A1CF: variants seen among roughly 807,000 people sequenced by gnomAD.
A1CF encodes the protein APOBEC1 complementation factor, also known as APOBEC-1 stimulating protein.
Under a neutral mutation model 68.9 loss-of-function variants are expected in A1CF, and 48 were observed. That is an observed-to-expected ratio of 0.70 (90% CI 0.55 to 0.89). The LOEUF (loss-of-function observed/expected upper bound fraction) is 0.89, where lower values mean the gene tolerates loss of function less well. Ranked by LOEUF, A1CF falls within the 40% of genes least tolerant of loss-of-function variation. The pLI is 0.00. For synonymous variants in A1CF, 272 were observed against 260.4 expected (o/e 1.04, Z -0.43); for missense variants, 653 against 718.9 (o/e 0.91, Z 1.05).
At chr10:50,868,404 C>A (rs970410910) in intron 1 of A1CF, among the ~76,000 whole-genome samples, 23 of 152,064 alleles carry the variant, frequency 1.5e-4, no homozygotes, top group African/African-American at 5.1e-4. Flanking sequence ...GAAATTAATT[C>A]TTGTGGTAGC....
At chr10:50,850,563 G>A (rs1840191824) in intron 3 of A1CF, 23 of 1,436,402 alleles carry the variant, frequency 1.6e-5, no homozygotes, top group Non-Finnish European at 1.9e-5. Context: ...TTATTCGAGT[G>A]TTTTTCAAAA....
chr10:50,809,179 GT>G (rs1469035419), intron 12 of A1CF, among the ~76,000 whole-genome samples: 1 of 152,166 alleles, frequency 6.6e-6, no homozygotes, highest in South Asian at 2.1e-4. Flanking sequence ...TGAAGGCATT[GT>G]TGATCCACGG....
At position 50,806,841 on chromosome 10, in the gene A1CF, G is replaced by C; in HGVS notation, c.1649C>G (p.Ala550Gly). The part of the protein sequence containing the change: ...VPNATAPVSA[A>G]QLKQAVTLGQ... ...AAGGGTTACCGCTTGCTTGAGCTGG[G>C]CTGCAGACACGGGTGCAGTTGCATT... is the stretch of plus-strand genomic sequence containing the variant. Residue 550 changes from alanine (A) to glycine (G), a missense_variant, in exon 13 of 13, where the codon GCC becomes GGC. Physicochemically the swap from Ala to Gly is moderately conservative, Grantham distance 60. Transcript: ENST00000373997. The C allele has an allele frequency of 1.2e-6, 2 of 1,613,482 alleles. No individual in the cohort carries two copies. The highest frequency in any genetic ancestry group is 1.7e-6 in the Non-Finnish European group (2 of 1,179,654).
intron 2 of A1CF, chr10:50,862,997 T>C (rs1262094236): frequency 6.6e-6 from 1 of 152,256 alleles, no homozygotes; most frequent in African/African-American, 2.4e-5. Flanking sequence ...ATGACAAGTT[T>C]ATATTTGCAA....
chr10:50,816,863 G>A (rs1340737336), intron 8 of A1CF, among the ~76,000 whole-genome samples: 1 of 152,182 alleles, frequency 6.6e-6, no homozygotes, highest in African/African-American at 2.4e-5. Flanking sequence ...CTCTACCAAA[G>A]GAAGAGGAAT....
At chr10:50,875,981 G>A (rs781215064) in intron 1 of A1CF, among the ~76,000 whole-genome samples, 1 of 152,124 alleles carries the variant, frequency 6.6e-6, no homozygotes, top group Non-Finnish European at 1.5e-5. Context: ...TACAAGTCTG[G>A]AGCTATTCCA....
chr10:50,848,511 G>T (rs1428033793), intron 3 of A1CF, among the ~76,000 whole-genome samples: 1 of 152,052 alleles, frequency 6.6e-6, no homozygotes, highest in Non-Finnish European at 1.5e-5. Context: ...GATGGTTATT[G>T]TTTCCCATAA....
At chr10:50,881,077 C>T (rs182481639) in intron 1 of A1CF, among the ~76,000 whole-genome samples, 1 of 151,936 alleles carries the variant, frequency 6.6e-6, no homozygotes, top group Non-Finnish European at 1.5e-5. Flanking sequence ...GCAACCTTCG[C>T]CTCCTGGGTT....
chr10:50,843,829 A>T (rs921521540), intron 4 of A1CF, among the ~76,000 whole-genome samples, 159 bp downstream of exon 4: 2 of 152,238 alleles, frequency 1.3e-5, no homozygotes, highest in African/African-American at 4.8e-5. Context: ...GGCAGTGATT[A>T]TAAAGAGATA....
intron 6 of A1CF, among the ~76,000 whole-genome samples, chr10:50,833,911 T>C (rs192053623): frequency 5.5e-4 from 83 of 151,794 alleles, no homozygotes; most frequent in African/African-American, 1.9e-3. Flanking sequence ...GGTAAGGGGG[T>C]TGCATTGGAT....
At chr10:50,854,876 T>C (rs1164680580) in intron 3 of A1CF, among the ~76,000 whole-genome samples, 1 of 151,926 alleles carries the variant, frequency 6.6e-6, no homozygotes, top group African/African-American at 2.4e-5. Context: ...GATTGTGCTG[T>C]AATGATTTTT....
rs1167572371 is a variant in A1CF at position 50,809,992 on chromosome 10, G to A, written c.1511C>T (p.Thr504Met). 22 of 1,613,890 alleles carry A rather than the reference G, an allele frequency of 1.4e-5. No individual in the cohort carries two copies. The highest frequency in any genetic ancestry group is 1.6e-4 in the Middle Eastern group (1 of 6,080). The stretch of plus-strand genomic sequence containing the variant: ...CTGCAGGGTGTATTCGGCTGCATAC[G>A]TCTTTGCTTCATCCACAAAGGCACT... ...KLSAFVDEAK[T>M]YAAEYTLQTL... is the part of the protein sequence containing the mutation. Residue 504 changes from threonine to methionine, a missense_variant, in exon 12 of 13, where the codon ACG becomes ATG. By Grantham distance (81) the Thr-to-Met change is moderately conservative (BLOSUM62 -1). Coordinates refer to ENST00000373997, the MANE Select transcript of A1CF (RefSeq NM_014576.4).
intron 3 of A1CF, among the ~76,000 whole-genome samples, chr10:50,844,477 A>G (rs1278122311): frequency 6.6e-6 from 1 of 152,090 alleles, no homozygotes; most frequent in Non-Finnish European, 1.5e-5. Context: ...CATCTCAAAC[A>G]TTTATCATTT....
intron 6 of A1CF, among the ~76,000 whole-genome samples, chr10:50,834,305 A>C (rs1342958711): frequency 1.3e-5 from 2 of 152,150 alleles, no homozygotes; most frequent in Admixed American, 1.3e-4. Flanking sequence ...TCCTGCATTG[A>C]GGGAGGAAAG....
chr10:50,816,284 T>G lies in A1CF; in HGVS notation c.868-5A>C. ...AATGGGGGAACCATCCAGCACCTGT[T>G]GTAGAGAGCAAAGAAATATCAACGC... On this transcript the variant is annotated splice_polypyrimidine_tract_variant and splice_region_variant and intron_variant, in intron 8 of 12. Coordinates refer to ENST00000373997, the MANE Select transcript of A1CF (RefSeq NM_014576.4). The G allele has an allele frequency of 2.5e-6, 4 of 1,612,664 alleles. No individual in the cohort carries two copies. Among genetic ancestry groups the G allele is most frequent in the Non-Finnish European group, 3.4e-6 (4 of 1,179,182 alleles).
chr10:50,855,191 C>G (rs1840421781), intron 3 of A1CF, among the ~76,000 whole-genome samples: 1 of 151,828 alleles, frequency 6.6e-6, no homozygotes, highest in Non-Finnish European at 1.5e-5. Context: ...TGACCCACAT[C>G]ATTAATGCAT....
intron 6 of A1CF, among the ~76,000 whole-genome samples, chr10:50,832,924 C>G (rs1839318944): frequency 6.6e-6 from 1 of 151,504 alleles, no homozygotes; most frequent in African/African-American, 2.4e-5. Context: ...AATATGTGTT[C>G]TAGATGCTTA....
intron 1 of A1CF, among the ~76,000 whole-genome samples, chr10:50,885,021 G>A (rs1841941231): frequency 6.6e-6 from 1 of 152,178 alleles, no homozygotes; most frequent in Non-Finnish European, 1.5e-5. Context: ...AGAATCAAAA[G>A]TGAATAGTTT....
chr10:50,874,721 T>G (rs1200235596), intron 1 of A1CF, among the ~76,000 whole-genome samples: 1 of 152,188 alleles, frequency 6.6e-6, no homozygotes, highest in Non-Finnish European at 1.5e-5. Flanking sequence ...ATAACTTCCT[T>G]TAAAGCCTTA....
Sources: allele counts gnomAD v4.1 joint callset (sites outside exome capture counted in the v4.1 genomes callset), GRCh38; gene constraint gnomAD v4.1.1; transcripts MANE v1.5; gene names NCBI Gene and HGNC (gene_info 2026-07-23, HGNC 2026-07-21).